The following WASHC5 variants were observed in gnomAD, a reference collection of about 807,000 sequenced individuals.
The protein encoded by WASHC5 is WASH complex subunit strumpellin.
A neutral mutation model predicts 150.4 loss-of-function variants in WASHC5; 101 were observed. The ratio of observed to expected loss-of-function variants is 0.67; its 90% CI spans 0.57 to 0.79. WASHC5 has a LOEUF of 0.79. Among genes scored for constraint, WASHC5 ranks in the 30% least tolerant of loss-of-function variants. WASHC5 has a pLI of 0.00. For missense variants in WASHC5, 1,195 were observed against 1,396.3 expected, an observed-to-expected ratio of 0.86 and a Z score of 2.30; for synonymous variants, 467 against 491.2, an observed-to-expected ratio of 0.95 and a Z score of 0.65.
chr8:125,034,097 G>A (rs1214945227), intron 26 of WASHC5, among the ~76,000 whole-genome samples: 2 of 152,130 alleles, frequency 1.3e-5, no homozygotes, highest in Non-Finnish European at 2.9e-5. Context: ...GCACTTCGCA[G>A]AGAAGGATAT....
At chr8:125,081,815 A>G (rs1034814577) in intron 4 of WASHC5, 54 bp from the exon 5 acceptor site, 1 of 1,026,170 alleles carries the variant, frequency 9.7e-7, no homozygotes, top group Non-Finnish European at 1.5e-6. Context: ...ATTCTTAGGG[A>G]GTAAAGTCGG....
chr8:125,061,581 A>T lies in WASHC5; in HGVS notation c.1409-387T>A, dbSNP rs1048493050. ...AGATGAAGAAGGGAATTGTATCCAG[A>T]TGAAAGGCAGACACAGGCAGAGGCT... is the stretch of plus-strand genomic sequence containing the variant. On this transcript the variant is annotated intron_variant, in intron 11 of 28. Coordinates refer to ENST00000318410, the MANE Select transcript of WASHC5 (RefSeq NM_014846.4). 3.3e-5 allele frequency among the ~76,000 whole-genome samples: 5 copies of T among 152,316 alleles called. No individual in the cohort carries two copies. The East Asian group carries it at 5.8e-4, about 18-fold the overall frequency.
chr8:125,080,585 T>C (rs1308017829), intron 5 of WASHC5, among the ~76,000 whole-genome samples: 1 of 152,208 alleles, frequency 6.6e-6, no homozygotes, highest in Non-Finnish European at 1.5e-5. Flanking sequence ...AATTCTACTC[T>C]TTACATCTTT....
chr8:125,062,202 C>G (rs1344889470), intron 11 of WASHC5, among the ~76,000 whole-genome samples: 2 of 152,140 alleles, frequency 1.3e-5, no homozygotes, highest in Admixed American at 1.3e-4. Context: ...GAGACCCAGG[C>G]TCTCCACCTT....
intron 14 of WASHC5, among the ~76,000 whole-genome samples, 199 bp from the exon 15 acceptor site, chr8:125,057,865 T>C (rs537985520): frequency 3.7e-4 from 57 of 152,128 alleles, no homozygotes; most frequent in Admixed American, 7.9e-4. Context: ...CCTGGACCAG[T>C]AGCTTCCGCA....
At chr8:125,047,716 G>A (rs1012275708) in intron 19 of WASHC5, among the ~76,000 whole-genome samples, 2 of 152,134 alleles carry the variant, frequency 1.3e-5, no homozygotes, top group Non-Finnish European at 2.9e-5. Context: ...GGGATTATAG[G>A]CGTGTGCCAG....
intron 1 of WASHC5, among the ~76,000 whole-genome samples, chr8:125,089,904 C>G (rs1190547046): frequency 2.0e-5 from 3 of 150,874 alleles, no homozygotes; most frequent in Non-Finnish European, 2.9e-5. Context: ...AGGTAAATCA[C>G]CTTTCTAAAA....
intron 9 of WASHC5, among the ~76,000 whole-genome samples, chr8:125,069,987 T>C (rs1168310481): frequency 1.3e-5 from 2 of 152,262 alleles, no homozygotes; most frequent in East Asian, 3.8e-4. Flanking sequence ...ATTTAGCTTC[T>C]TGGTATAAAC....
chr8:125,049,209 G>T, intron 18 of WASHC5, 24 bp from the exon 19 acceptor site: 2 of 1,612,378 alleles, frequency 1.2e-6, no homozygotes, highest in Non-Finnish European at 8.5e-7. Context: ...GAAACATAAA[G>T]CTCTTACACT....
intron 27 of WASHC5, among the ~76,000 whole-genome samples, chr8:125,031,028 C>T (rs1046679110): frequency 2.0e-5 from 3 of 152,180 alleles, no homozygotes; most frequent in Non-Finnish European, 2.9e-5. Flanking sequence ...TCCAGAGACA[C>T]AGGTTCTAAT....
At chr8:125,070,709 A>T (rs1490313758) in intron 9 of WASHC5, among the ~76,000 whole-genome samples, 1 of 152,246 alleles carries the variant, frequency 6.6e-6, no homozygotes, top group Non-Finnish European at 1.5e-5. Context: ...TTAAAAACAG[A>T]TTCAGGGATT....
chr8:125,040,614 T>C (rs1360500377), intron 23 of WASHC5: 3 of 152,432 alleles, frequency 2.0e-5, no homozygotes, highest in Admixed American at 1.3e-4. Context: ...CTCCATACTG[T>C]TCTCGTAATA....
At chr8:125,041,616 A>G (rs11988640) in intron 23 of WASHC5, among the ~76,000 whole-genome samples, 18,770 of 151,914 alleles carry the variant, frequency 0.12, 2,825 homozygotes, top group African/African-American at 0.36. Flanking sequence ...ACTCCAGCCC[A>G]GGCGACAGAG....
chr8:125,029,031 T>A (rs907402353), intron 27 of WASHC5, among the ~76,000 whole-genome samples: 10,052 of 76,060 alleles, frequency 0.13, 423 homozygotes, highest in Middle Eastern at 0.36. Context: ...CCCTGCACAC[T>A]TTTTTTTTTT....
At chr8:125,086,366 C>T (rs1817422013) in intron 1 of WASHC5, among the ~76,000 whole-genome samples, 1 of 152,118 alleles carries the variant, frequency 6.6e-6, no homozygotes, top group Admixed American at 6.5e-5. Context: ...TCTCAAACTC[C>T]TGGGCTCAAG....
intron 12 of WASHC5, 105 bp from the exon 13 acceptor site, chr8:125,059,647 C>A: frequency 1.2e-6 from 1 of 805,996 alleles, no homozygotes; most frequent in South Asian, 1.6e-5. Context: ...CTGACAATTT[C>A]TTGATAAAGT....
At chr8:125,083,298 T>C (rs1817326260) in intron 2 of WASHC5, 40 bp from the exon 3 acceptor site, 1 of 1,586,698 alleles carries the variant, frequency 6.3e-7, no homozygotes, top group African/African-American at 1.4e-5. Context: ...AATAAAAGCA[T>C]ACTTGTTGGT....
chr8:125,068,453 G>A (rs1361616463), intron 9 of WASHC5, among the ~76,000 whole-genome samples: 1 of 152,156 alleles, frequency 6.6e-6, no homozygotes, highest in African/African-American at 2.4e-5. Context: ...GGACTCCACT[G>A]GGAGAGGATG....
At chr8:125,084,094 T>C in intron 1 of WASHC5, 72 bp from the exon 2 acceptor site, 2 of 581,188 alleles carry the variant, frequency 3.4e-6, no homozygotes, top group Non-Finnish European at 3.1e-6. Flanking sequence ...AAGAAACACA[T>C]TTTTCTCCCA....
Sources: gnomAD v4.1 joint callset for allele counts (sites outside exome capture counted in the v4.1 genomes callset) on GRCh38, gnomAD v4.1.1 for gene constraint, MANE v1.5 for transcripts, NCBI Gene and HGNC (gene_info 2026-07-23, HGNC 2026-07-21) for gene names.